EEF1D: variants seen among roughly 807,000 people sequenced by gnomAD.
The protein encoded by EEF1D is eukaryotic translation elongation factor 1 delta.
EEF1D carries 47 observed loss-of-function variants against 63.9 expected under a neutral mutation model. The observed-to-expected ratio is 0.74, with a 90% confidence interval of 0.58 to 0.94. The LOEUF (loss-of-function observed/expected upper bound fraction) is 0.94. Ranked by LOEUF, EEF1D falls within the 40% of genes least tolerant of loss-of-function variation. The pLI is 0.00. For synonymous variants in EEF1D, 412 were observed against 386.1 expected (o/e 1.07, Z -0.79); for missense variants, 907 against 899.0 (o/e 1.01, Z -0.11).
intron 3 of EEF1D, 171 bp from the exon 4 acceptor site, chr8:143,587,023 T>C: frequency 1.2e-6 from 1 of 831,626 alleles, no homozygotes; most frequent in Non-Finnish European, 1.8e-6. Flanking sequence ...TCCCCAGGCC[T>C]GTCTTCCAGA....
In EEF1D at chr8:143,589,004, T is replaced by C. The variant is rs769021807; in HGVS notation, c.1078A>G (p.Ser360Gly). 1 of 1,597,214 alleles carries C rather than the reference T, an allele frequency of 6.3e-7. No homozygotes were observed. The change falls in exon 3 of 10, where the codon AGC (serine) becomes GGC (glycine). Residue 360 changes from serine to glycine, a missense_variant. By Grantham distance (56) the Ser-to-Gly change is moderately conservative. Coordinates refer to ENST00000618139, the MANE Select transcript of EEF1D (RefSeq NM_001130053.5). ...PGPRSGLSVS[S>G]LRPNRKMATN... is the part of the protein sequence containing the mutation. ...CGTTTCTCCTACTTGGGTCTCAGGCTGGACACGGACAGGCCAGACCGAGGA... is the reference window on the plus strand; with the variant it reads ...CGTTTCTCCTACTTGGGTCTCAGGCCGGACACGGACAGGCCAGACCGAGGA...
chr8:143,580,292 G>A, intron 8 of EEF1D, 86 bp from the exon 9 acceptor site: 2 of 1,395,742 alleles, frequency 1.4e-6, no homozygotes, highest in South Asian at 1.3e-5. Context: ...CTCAACCACT[G>A]TGTGTCCACA....
intron 8 of EEF1D, 77 bp from the exon 9 acceptor site, chr8:143,580,283 T>TC: frequency 6.9e-7 from 1 of 1,444,376 alleles, no homozygotes. Context: ...CACCCTACCC[T>TC]CAACCACTGT....
At chr8:143,583,027 T>C (rs1180351796) in intron 5 of EEF1D, 1 of 152,254 alleles carries the variant, frequency 6.6e-6, no homozygotes, top group African/African-American at 2.4e-5. Flanking sequence ...ATCCACATGC[T>C]GGAGTCTTAT....
chr8:143,587,053 G>A, intron 3 of EEF1D: 1 of 611,634 alleles, frequency 1.6e-6, no homozygotes, highest in Non-Finnish European at 2.7e-6. Flanking sequence ...CTCAAAGTGT[G>A]GTCCGAGAAC....
Position 143,588,991 on chromosome 8 carries a change from T to C in EEF1D, c.1091A>G (p.Asn364Ser). Residue 364 changes from asparagine (N) to serine (S), a missense_variant and splice_region_variant, in exon 3 of 10, where the codon AAC becomes AGC. By Grantham distance (46) the Asn-to-Ser change is conservative. Coordinates refer to ENST00000618139, the MANE Select transcript of EEF1D (RefSeq NM_001130053.5). ...SGLSVSSLRPNRKMATNFLAH... is the reference protein window; with the variant it reads ...SGLSVSSLRPSRKMATNFLAH... The stretch of plus-strand genomic sequence containing the variant: ...TGCCCACCCAGCACGTTTCTCCTAC[T>C]TGGGTCTCAGGCTGGACACGGACAG... 1 of 1,595,168 alleles carries C rather than the reference T, an allele frequency of 6.3e-7. No individual in the cohort carries two copies.
intron 5 of EEF1D, chr8:143,584,167 G>A (rs1031629111): frequency 1.3e-5 from 2 of 152,280 alleles, no homozygotes; most frequent in African/African-American, 2.4e-5. Context: ...GGCCCAGGAA[G>A]TGGGGTGCTG....
intron 5 of EEF1D, chr8:143,583,283 G>C (rs1484575437): frequency 6.6e-6 from 1 of 152,268 alleles, no homozygotes; most frequent in Non-Finnish European, 1.5e-5. Flanking sequence ...AGAGCTGTGA[G>C]AAAATACATG....
chr8:143,579,818 C>T lies in EEF1D; in HGVS notation c.1918G>A (p.Asp640Asn), dbSNP rs769293820. Reference protein sequence around the residue: ...TKFEEHVQSVDIAAFNKI With the variant: ...TKFEEHVQSVNIAAFNKI ...CAGATCTTGTTGAAAGCTGCGATAT[C>T]GACACTCTGCACCTGAGGAGAGGCG... The change falls in exon 10 of 10, where the codon GAT becomes AAT. Residue 640 changes from aspartate (D) to asparagine (N), a missense_variant. Physicochemically the swap from Asp to Asn is conservative, Grantham distance 23. Transcript: ENST00000618139. The T allele has an allele frequency of 6.4e-6, 10 of 1,566,338 alleles. No homozygotes were observed. The highest frequency in any genetic ancestry group is 1.2e-5 in the South Asian group (1 of 84,566).
Position 143,589,311 on chromosome 8 carries a change from C to A in EEF1D, c.771G>T (p.Gly257=). ...YEALFDGHPP[G]KVRLQERAGL... Reference sequence around the variant, plus strand: ...CGGCTCGCTCTTGCAGGCGCACCTTCCCTGGGGGATGGCCGTCAAACAGGG... The same window carrying A: ...CGGCTCGCTCTTGCAGGCGCACCTTACCTGGGGGATGGCCGTCAAACAGGG... The change falls in exon 3 of 10, where the codon GGG becomes GGT. Residue 257 remains glycine (G), a synonymous_variant. Coordinates refer to ENST00000618139, the MANE Select transcript of EEF1D (RefSeq NM_001130053.5). 1 of 1,587,468 alleles carries A rather than the reference C, an allele frequency of 6.3e-7. No individual in the cohort carries two copies. Among genetic ancestry groups the A allele is most frequent in the Non-Finnish European group, 8.6e-7 (1 of 1,166,340 alleles).
In EEF1D at chr8:143,589,800, G is replaced by T. The variant is rs146096793; in HGVS notation, c.282C>A (p.Ser94Arg). Residue 94 changes from serine to arginine, a missense_variant, in exon 3 of 10, where the codon AGC becomes AGA. Transcript: ENST00000618139. ...GGGCCAGGTCCGCGGGGCCGAGCCC[G>T]CTCTTGGGGGAGCGCTTCCTCTTTT... ...LQKKRKRSPK[S>R]GLGPADLALL... 4 of 1,593,610 alleles carry T rather than the reference G, an allele frequency of 2.5e-6. No individual in the cohort carries two copies. Among genetic ancestry groups the T allele is most frequent in the Non-Finnish European group, 3.4e-6 (4 of 1,170,432 alleles).
intron 1 of EEF1D, chr8:143,593,796 G>GACAGCCAGC: frequency 1.1e-6 from 1 of 948,366 alleles, no homozygotes; most frequent in Non-Finnish European, 1.3e-6. Context: ...AGCCTCCCAG[G>GACAGCCAGC]ACAGCCAGCA....
In EEF1D at chr8:143,586,436, C is replaced by T. The variant is rs574055942; in HGVS notation, c.1216-146G>A. 17 of 824,726 alleles carry T rather than the reference C, an allele frequency of 2.1e-5. No individual in the cohort carries two copies. The Admixed American group carries it at 3.0e-4, about 15-fold the overall frequency. 51.1% of individuals were successfully genotyped at this position (824,726 alleles called of 1,614,324 possible). A position where few individuals can be genotyped will look rare whatever the true frequency, so the allele number is the denominator to read the frequency against. On this transcript the variant is annotated intron_variant, in intron 4 of 9. Coordinates refer to ENST00000618139, the MANE Select transcript of EEF1D (RefSeq NM_001130053.5). ...ACGAGAGCTTGGCGGGCCAGAAAAG[C>T]GGGAGATGCCTGAGGCTGTGACGAC...
intron 5 of EEF1D, chr8:143,583,426 T>C (rs1825933457): frequency 6.6e-6 from 1 of 152,354 alleles, no homozygotes; most frequent in African/African-American, 2.4e-5. Context: ...GAAGAGTTCC[T>C]GCAGCCCCAG....
At chr8:143,586,584 C>T (rs1263496882) in intron 4 of EEF1D, 145 bp downstream of exon 4, 1 of 1,246,566 alleles carries the variant, frequency 8.0e-7, no homozygotes, top group African/African-American at 1.5e-5. Context: ...GGCCGCCTGC[C>T]CCGAGACCCC....
At position 143,580,224 on chromosome 8, in the gene EEF1D, G is replaced by A. The variant is rs756135508; in HGVS notation, c.1711-18C>T. ...TCATCCCACTGTGGGGAAAGGGGAG[G>A]AAAAGCTGGGGTCAGCCACCCTCAG... On this transcript the variant is annotated intron_variant, in intron 8 of 9. Transcript: ENST00000618139. The A allele has an allele frequency of 2.5e-6, 4 of 1,608,796 alleles. No individual in the cohort carries two copies. The highest frequency in any genetic ancestry group is 3.4e-6 in the Non-Finnish European group (4 of 1,176,814).
At position 143,589,248 on chromosome 8, in the gene EEF1D, C is replaced by T; in HGVS notation, c.834G>A (p.Arg278=). Residue 278 remains arginine (R), a synonymous_variant, in exon 3 of 10, where the codon CGG becomes CGA. Coordinates refer to ENST00000618139, the MANE Select transcript of EEF1D (RefSeq NM_001130053.5). ...TGTTCCCTAAGATGTTGCGGCCCCG[C>T]CGGTCTCTGCGGCCCCGCCGGGCAC... ...AEGARRGRRD[R]RGRNILGNKR... The T allele has an allele frequency of 6.3e-7, 1 of 1,582,188 alleles. No homozygotes were observed. Among genetic ancestry groups the T allele is most frequent in the South Asian group, 1.1e-5 (1 of 88,094 alleles).
chr8:143,580,220 G>A lies in EEF1D; in HGVS notation c.1711-14C>T, dbSNP rs377490284. The A allele has an allele frequency of 3.1e-6, 5 of 1,609,804 alleles. No individual in the cohort carries two copies. Among genetic ancestry groups the A allele is most frequent in the African/African-American group, 2.7e-5 (2 of 74,840 alleles). ...CTCATCATCCCACTGTGGGGAAAGG[G>A]GAGGAAAAGCTGGGGTCAGCCACCC... On this transcript the variant is annotated splice_polypyrimidine_tract_variant and intron_variant, in intron 8 of 9. Transcript: ENST00000618139.
In EEF1D at chr8:143,579,814, A is replaced by G; in HGVS notation, c.1922T>C (p.Ile641Thr). ...KFEEHVQSVDIAAFNKI is the reference protein window; with the variant it reads ...KFEEHVQSVDTAAFNKI ...GCTTCAGATCTTGTTGAAAGCTGCG[A>G]TATCGACACTCTGCACCTGAGGAGA... Residue 641 changes from isoleucine (I) to threonine (T), a missense_variant, in exon 10 of 10, where the codon ATC becomes ACC. Ile to Thr is a moderately conservative substitution (Grantham distance 89, BLOSUM62 -1). Transcript: ENST00000618139. 3 of 1,566,906 alleles carry G rather than the reference A, an allele frequency of 1.9e-6. No individual in the cohort carries two copies. The highest frequency in any genetic ancestry group is 1.9e-5 in the Admixed American group (1 of 53,794).
Sources: gnomAD v4.1 joint callset for allele counts on GRCh38, gnomAD v4.1.1 for gene constraint, MANE v1.5 for transcripts, NCBI Gene and HGNC (gene_info 2026-07-23, HGNC 2026-07-21) for gene names.